Variants in CSMD1 observed in about 807,000 individuals in gnomAD.
CSMD1 encodes the protein CUB and Sushi multiple domains 1.
A neutral mutation model predicts 417.5 loss-of-function variants in CSMD1; 213 were observed. The ratio of observed to expected loss-of-function variants is 0.51; its 90% confidence interval spans 0.46 to 0.57. CSMD1 has a LOEUF of 0.57. CSMD1 is among the 20% of genes least tolerant of loss of function. The pLI is 0.00. For missense variants in CSMD1, 6,923 were observed against 4,529.7 expected (o/e 1.53, Z -15.17); for synonymous variants, 2,862 against 1,736.8 (o/e 1.65, Z -16.11).
intron 5 of CSMD1, among the ~76,000 whole-genome samples, chr8:3,820,051 G>A (rs62479936): frequency 1.3e-5 from 2 of 152,136 alleles, no homozygotes; most frequent in Non-Finnish European, 2.9e-5. Context: ...AATCTCATTC[G>A]AGTACATTTC....
intron 12 of CSMD1, among the ~76,000 whole-genome samples, chr8:3,448,783 T>C (rs895998198): frequency 6.6e-6 from 1 of 152,152 alleles, no homozygotes; most frequent in East Asian, 1.9e-4. Flanking sequence ...CTTCAGGCAA[T>C]AGTGAGTGAC....
At chr8:3,275,421 C>T (rs1239891563) in intron 26 of CSMD1, among the ~76,000 whole-genome samples, 2 of 152,098 alleles carry the variant, frequency 1.3e-5, no homozygotes, top group Non-Finnish European at 2.9e-5. Context: ...TGTTGCTCTT[C>T]TCGAGGAGTA....
chr8:4,855,519 A>C, intron 1 of CSMD1, among the ~76,000 whole-genome samples: 1 of 152,110 alleles, frequency 6.6e-6, no homozygotes, highest in East Asian at 1.9e-4. Context: ...ACTTTGAAAA[A>C]AATTTAGAAG....
chr8:4,554,050 C>T (rs1415801817), intron 2 of CSMD1, among the ~76,000 whole-genome samples: 3 of 152,198 alleles, frequency 2.0e-5, no homozygotes, highest in African/African-American at 7.2e-5. Context: ...TATATCCCTG[C>T]TGTCTCGTCA....
intron 2 of CSMD1, among the ~76,000 whole-genome samples, chr8:4,436,013 G>A (rs187800448): frequency 2.0e-5 from 3 of 152,194 alleles, no homozygotes; most frequent in South Asian, 2.1e-4. Context: ...AACTTCATAC[G>A]CAGCAGCTTG....
chr8:4,504,299 G>C (rs1444362013), intron 2 of CSMD1, among the ~76,000 whole-genome samples: 1 of 152,156 alleles, frequency 6.6e-6, no homozygotes, highest in Non-Finnish European at 1.5e-5. Flanking sequence ...GAAAAGAATG[G>C]AGGTTGCCAG....
chr8:3,847,626 C>G (rs917285212), intron 5 of CSMD1, among the ~76,000 whole-genome samples: 4 of 152,062 alleles, frequency 2.6e-5, no homozygotes, highest in African/African-American at 9.7e-5. Flanking sequence ...CCGATGGAGC[C>G]CCGAGAAAAC....
rs540612431 is a variant in CSMD1 at position 4,709,213 on chromosome 8, G to A, written c.86-71655C>T. Reference sequence around the variant, plus strand: ...AATCGAGAGAGAGGAATTCCTCGATGGTAGAAGGAACCAGGCTACTCTTGT... The same window carrying A: ...AATCGAGAGAGAGGAATTCCTCGATAGTAGAAGGAACCAGGCTACTCTTGT... On this transcript the variant is annotated intron_variant, in intron 1 of 69. Coordinates refer to ENST00000635120, the MANE Select transcript of CSMD1 (RefSeq NM_033225.6). 2.2e-3 allele frequency among the ~76,000 whole-genome samples: 342 copies of A among 152,294 alleles called. 3 individuals are homozygous for A. Among genetic ancestry groups the A allele is most frequent in the South Asian group, 3.9e-3 (19 of 4,824 alleles).
At chr8:3,649,753 T>A (rs1199291341) in intron 7 of CSMD1, among the ~76,000 whole-genome samples, 2 of 152,178 alleles carry the variant, frequency 1.3e-5, no homozygotes, top group Non-Finnish European at 1.5e-5. Context: ...AGCCTAACCA[T>A]AACATCATCC....
At chr8:3,385,111 A>AAT (rs71834764) in intron 18 of CSMD1, among the ~76,000 whole-genome samples, 1 of 125,332 alleles carries the variant, frequency 8.0e-6, no homozygotes, top group African/African-American at 3.0e-5. Flanking sequence ...TATAAATAAA[A>AAT]ATATATATAA....
intron 1 of CSMD1, among the ~76,000 whole-genome samples, chr8:4,834,971 A>AG (rs1800381098): frequency 2.2e-5 from 1 of 44,486 alleles, no homozygotes; most frequent in African/African-American, 4.2e-5. Flanking sequence ...AAAAAAAAAA[A>AG]AAAAAAAAAG....
At chr8:4,842,031 G>A (rs1219604161) in intron 1 of CSMD1, among the ~76,000 whole-genome samples, 1 of 151,570 alleles carries the variant, frequency 6.6e-6, no homozygotes, top group Non-Finnish European at 1.5e-5. Context: ...TTTCAAGGGA[G>A]CTGAGAGAGA....
chr8:3,975,429 A>T (rs1349714620), intron 5 of CSMD1, among the ~76,000 whole-genome samples: 1 of 152,112 alleles, frequency 6.6e-6, no homozygotes, highest in Non-Finnish European at 1.5e-5. Flanking sequence ...ACCATTTACA[A>T]CCCTTAGAAA....
intron 4 of CSMD1, among the ~76,000 whole-genome samples, chr8:4,013,389 C>T (rs560699057): frequency 8.5e-5 from 13 of 152,136 alleles, no homozygotes; most frequent in Admixed American, 2.0e-4. Flanking sequence ...CTGATATTCT[C>T]GCAGGGCTCA....
At position 4,398,833 on chromosome 8, in the gene CSMD1, G is replaced by C. The variant is rs536908389; in HGVS notation, c.415+21120C>G. ...TCTTGTGTGGTATTTTCTTTTCAAG[G>C]TCTTTTTATGTCTAATTGAAACTTT... On this transcript the variant is annotated intron_variant, in intron 3 of 69. Coordinates refer to ENST00000635120, the MANE Select transcript of CSMD1 (RefSeq NM_033225.6). Among the ~76,000 whole-genome samples, 494 of 152,188 alleles carry C rather than the reference G, an allele frequency of 3.2e-3. 6 individuals carry two copies. The highest frequency in any genetic ancestry group is 0.011 in the African/African-American group (449 of 41,530).
rs149431584 is a variant in CSMD1, at chr8:3,180,457, G to C, written c.5725+653C>G. ...AGAAGTCAGGATTGTCCACCTTCTGGGGAATGCTAATATGAGTATTTTTTA... is the reference window on the plus strand; with the variant it reads ...AGAAGTCAGGATTGTCCACCTTCTGCGGAATGCTAATATGAGTATTTTTTA... On this transcript the variant is annotated intron_variant, in intron 37 of 69. Transcript: ENST00000635120. 4.5e-3 allele frequency among the ~76,000 whole-genome samples: 683 copies of C among 152,118 alleles called. 6 individuals carry two copies. The highest frequency in any genetic ancestry group is 0.016 in the African/African-American group (660 of 41,486).
intron 26 of CSMD1, among the ~76,000 whole-genome samples, chr8:3,267,457 A>G (rs1340523351): frequency 6.6e-6 from 1 of 152,208 alleles, no homozygotes; most frequent in African/African-American, 2.4e-5. Flanking sequence ...GTGGCCGTGC[A>G]TGTACACTGG....
At chr8:4,753,329 G>A (rs1462797014) in intron 1 of CSMD1, among the ~76,000 whole-genome samples, 2 of 151,726 alleles carry the variant, frequency 1.3e-5, no homozygotes, top group Non-Finnish European at 2.9e-5. Context: ...GATAAAAGGG[G>A]CTAGCACTGT....
intron 3 of CSMD1, among the ~76,000 whole-genome samples, chr8:4,058,040 T>C (rs6558839): frequency 0.9 from 136,125 of 151,300 alleles, 61,375 homozygotes; most frequent in Middle Eastern, 0.95. Context: ...TCCATATGAA[T>C]TTTAAAGTAG....
Sources: allele counts gnomAD v4.1 joint callset (sites outside exome capture counted in the v4.1 genomes callset), GRCh38; gene constraint gnomAD v4.1.1; transcripts MANE v1.5; gene names NCBI Gene and HGNC (gene_info 2026-07-23, HGNC 2026-07-21).